Variants in SLC25A26 observed in about 807,000 individuals in gnomAD.
The protein encoded by SLC25A26 is mitochondrial S-adenosylmethionine carrier protein.
In SLC25A26, 36 loss-of-function variants were observed where a neutral mutation model predicts 37.8. That is an observed-to-expected ratio of 0.95 (90% confidence interval 0.73 to 1.26). The LOEUF (loss-of-function observed/expected upper bound fraction) is 1.26. Ranked by LOEUF, SLC25A26 falls within the 50% of genes most tolerant of loss-of-function variation. SLC25A26 has a pLI of 0.00. For synonymous variants in SLC25A26, 129 were observed against 122.5 expected (o/e 1.05, Z -0.35); for missense variants, 390 against 331.1 (o/e 1.18, Z -1.38).
chr3:66,179,152 T>C (rs2070646607), intron 1 of SLC25A26, among the ~76,000 whole-genome samples: 1 of 152,208 alleles, frequency 6.6e-6, no homozygotes, highest in Non-Finnish European at 1.5e-5. Flanking sequence ...CGTTTTAAAG[T>C]TTTCCCAAAT....
chr3:66,210,291 A>G lies in SLC25A26; in HGVS notation c.-353-10451A>G, dbSNP rs941435369. On this transcript the variant is annotated intron_variant, in intron 1 of 10. Coordinates refer to the SLC25A26 transcript ENST00000676754. The stretch of plus-strand genomic sequence containing the variant: ...CACAAATCTAGAATTATAGATTGCA[A>G]TAAGTTCTGGGGAAAAAATATGATG... Among the ~76,000 whole-genome samples the G allele has an allele frequency of 6.0e-3, 916 of 152,110 alleles. 11 individuals carry two copies. The highest frequency in any genetic ancestry group is 0.021 in the African/African-American group (882 of 41,494).
chr3:66,352,713 G>T (rs1446075582), intron 6 of SLC25A26, among the ~76,000 whole-genome samples: 1 of 151,948 alleles, frequency 6.6e-6, no homozygotes, highest in Non-Finnish European at 1.5e-5. Flanking sequence ...CAGTGATGAA[G>T]AGGACTGACA....
chr3:66,346,036 T>C (rs1275447016), intron 5 of SLC25A26, among the ~76,000 whole-genome samples: 1 of 151,966 alleles, frequency 6.6e-6, no homozygotes, highest in African/African-American at 2.4e-5. Context: ...CTAAAGAAAA[T>C]ATACAAAAAT....
chr3:66,244,757 G>A (rs1181629716), intron 3 of SLC25A26, among the ~76,000 whole-genome samples: 3 of 152,086 alleles, frequency 2.0e-5, no homozygotes, highest in African/African-American at 7.2e-5. Flanking sequence ...TGGATCATGA[G>A]GTCAGGAGAT....
At chr3:66,180,129 G>A (rs1236873271) in intron 1 of SLC25A26, among the ~76,000 whole-genome samples, 1 of 152,190 alleles carries the variant, frequency 6.6e-6, no homozygotes, top group Non-Finnish European at 1.5e-5. Context: ...AGGATTCAAG[G>A]ATGAAGTCAA....
intron 1 of SLC25A26, among the ~76,000 whole-genome samples, chr3:66,191,588 A>C (rs1007312371): frequency 6.6e-6 from 1 of 151,910 alleles, no homozygotes; most frequent in Non-Finnish European, 1.5e-5. Context: ...GTTCCCCCCA[A>C]ATTTGTAAGT....
chr3:66,262,393 T>TGGAGGGG (rs2073565459), intron 4 of SLC25A26, among the ~76,000 whole-genome samples: 2 of 152,238 alleles, frequency 1.3e-5, no homozygotes, highest in Non-Finnish European at 2.9e-5. Flanking sequence ...GTAATCTTCC[T>TGGAGGGG]GCAGTTCTTC....
intron 5 of SLC25A26, 33 bp from the exon 6 acceptor site, chr3:66,346,331 C>T (rs1006680424): frequency 9.9e-6 from 13 of 1,306,920 alleles, no homozygotes; most frequent in South Asian, 1.5e-5. Context: ...TCTTTTTTGC[C>T]TAATTTATTT....
chr3:66,263,836 T>A (rs971455125), intron 5 of SLC25A26, among the ~76,000 whole-genome samples: 2 of 152,088 alleles, frequency 1.3e-5, no homozygotes, highest in Admixed American at 6.5e-5. Context: ...TTTTTTGTAT[T>A]TTTAGTAGAG....
chr3:66,358,196 A>G (rs2076619852), intron 6 of SLC25A26, among the ~76,000 whole-genome samples: 1 of 152,216 alleles, frequency 6.6e-6, no homozygotes, highest in Non-Finnish European at 1.5e-5. Flanking sequence ...CTCCAAATAG[A>G]TGAGCAAATA....
intron 1 of SLC25A26, among the ~76,000 whole-genome samples, chr3:66,154,885 T>C (rs2070260377): frequency 6.6e-6 from 1 of 152,198 alleles, no homozygotes; most frequent in African/African-American, 2.4e-5. Context: ...TGGAATCATT[T>C]TGAAGGTAAA....
At chr3:66,299,777 GTTGT>G (rs1230685907) in intron 5 of SLC25A26, among the ~76,000 whole-genome samples, 1 of 152,078 alleles carries the variant, frequency 6.6e-6, no homozygotes, top group Non-Finnish European at 1.5e-5. Context: ...GACTGTCATG[GTTGT>G]TTGTATAACT....
intron 6 of SLC25A26, among the ~76,000 whole-genome samples, chr3:66,353,765 G>T (rs1233412062): frequency 2.0e-5 from 3 of 152,168 alleles, no homozygotes; most frequent in African/African-American, 7.2e-5. Flanking sequence ...AGTTCTCAGA[G>T]ACCAACCCTG....
intron 3 of SLC25A26, among the ~76,000 whole-genome samples, chr3:66,250,706 G>A (rs1485347484): frequency 6.6e-6 from 1 of 152,152 alleles, no homozygotes; most frequent in Non-Finnish European, 1.5e-5. Flanking sequence ...ATCTGTACAA[G>A]GTAGAGTGAG....
chr3:66,289,134 A>C (rs139413769), intron 5 of SLC25A26, among the ~76,000 whole-genome samples: 2,610 of 152,266 alleles, frequency 0.017, 79 homozygotes, highest in African/African-American at 0.06. Flanking sequence ...TTTTTTGAGA[A>C]GTGTCTGTTC....
At chr3:66,153,422 G>A (rs1216786875) in intron 1 of SLC25A26, among the ~76,000 whole-genome samples, 3 of 152,150 alleles carry the variant, frequency 2.0e-5, no homozygotes, top group Non-Finnish European at 4.4e-5. Flanking sequence ...GAATTAACAG[G>A]AGTGCCTGTT....
intron 1 of SLC25A26, among the ~76,000 whole-genome samples, chr3:66,140,720 C>G (rs2070021047): frequency 6.6e-6 from 1 of 152,146 alleles, no homozygotes; most frequent in African/African-American, 2.4e-5. Flanking sequence ...TATGTTTACA[C>G]TTTCAAATTT....
At chr3:66,318,670 G>GT (rs142857296) in intron 5 of SLC25A26, among the ~76,000 whole-genome samples, 40 of 150,912 alleles carry the variant, frequency 2.7e-4, no homozygotes, top group East Asian at 1.8e-3. Context: ...ATTTTTTTTT[G>GT]TTTTTTTTGA....
Position 66,247,099 on chromosome 3 carries a change from C to T in SLC25A26, c.300+3787C>T, listed in dbSNP as rs549781467. On this transcript the variant is annotated intron_variant, in intron 3 of 9. Transcript: ENST00000354883. ...CAGGATGGTCTTGATCTCCTGACTT[C>T]GTGATCCGCCCACCTCAGCCTCCTA... Among the ~76,000 whole-genome samples, 5 of 152,060 alleles carry T rather than the reference C, an allele frequency of 3.3e-5. No individual in the cohort carries two copies. The South Asian group carries it at 6.2e-4, about 19-fold the overall frequency.
Sources: gnomAD v4.1 joint callset for allele counts (sites outside exome capture counted in the v4.1 genomes callset) on GRCh38, gnomAD v4.1.1 for gene constraint, MANE v1.5 for transcripts, NCBI Gene and HGNC (gene_info 2026-07-23, HGNC 2026-07-21) for gene names.